DSCAML1: variants seen among roughly 807,000 people sequenced by gnomAD.
The protein encoded by DSCAML1 is DS cell adhesion molecule like 1, also known as cell adhesion molecule DSCAML1.
Under a neutral mutation model 200.5 loss-of-function variants are expected in DSCAML1, and 38 were observed. The observed-to-expected ratio is 0.19, with a 90% CI of 0.15 to 0.25. DSCAML1 has a LOEUF of 0.25. Among genes scored for constraint, DSCAML1 ranks in the 10% least tolerant of loss-of-function variants. The probability of loss-of-function intolerance (pLI) is 1.00; values close to 1 mark genes in which losing one functional copy is unlikely to be tolerated. For synonymous variants in DSCAML1, 1,215 were observed against 1,165.0 expected (o/e 1.04, Z -0.87); for missense variants, 2,223 against 2,858.8 (o/e 0.78, Z 5.07).
At chr11:117,543,812 G>A (rs201678422) in intron 3 of DSCAML1, among the ~76,000 whole-genome samples, 1 of 138,692 alleles carries the variant, frequency 7.2e-6, no homozygotes, top group African/African-American at 2.6e-5. Context: ...TTTTTTTTTT[G>A]TTTGTTTTGT....
chr11:117,652,349 C>A (rs771839120), intron 3 of DSCAML1, among the ~76,000 whole-genome samples: 1 of 152,230 alleles, frequency 6.6e-6, no homozygotes, highest in Non-Finnish European at 1.5e-5. Context: ...GGGAAAGAAC[C>A]AGGAGATGGA....
Position 117,469,425 on chromosome 11 carries a change from C to G in DSCAML1, c.3024+485G>C, listed in dbSNP as rs2048642396. 6.6e-6 allele frequency among the ~76,000 whole-genome samples: 1 copy of G among 152,182 alleles called. No individual in the cohort carries two copies. ...TAAGTGACAGATGCTTCAGTCACCC[C>G]CTATATTTTACAGGTCTTTGCCCTT... On this transcript the variant is annotated intron_variant, in intron 16 of 32. Transcript: ENST00000651296. This position sits in a 1 kb window ranked among gnomAD's most constrained non-coding sequence, Gnocchi z 4.1.
intron 11 of DSCAML1, among the ~76,000 whole-genome samples, chr11:117,482,381 G>A (rs1311028970): frequency 1.3e-5 from 2 of 152,196 alleles, no homozygotes; most frequent in African/African-American, 4.8e-5. Context: ...CCTCTTCTGG[G>A]GAGGGAGTGG....
chr11:117,705,616 C>T (rs574227066), intron 3 of DSCAML1, among the ~76,000 whole-genome samples: 4 of 152,286 alleles, frequency 2.6e-5, no homozygotes, highest in East Asian at 3.9e-4. Flanking sequence ...GAGACCAGTA[C>T]GGGTCTCTGT....
At chr11:117,493,782 C>G (rs1006359471) in intron 11 of DSCAML1, among the ~76,000 whole-genome samples, 3 of 152,104 alleles carry the variant, frequency 2.0e-5, no homozygotes, top group African/African-American at 2.4e-5. Flanking sequence ...TGTGTGCCAC[C>G]ATGCCCGGTT....
chr11:117,746,273 G>A (rs1178952339), intron 3 of DSCAML1, among the ~76,000 whole-genome samples: 1 of 147,394 alleles, frequency 6.8e-6, no homozygotes, highest in Non-Finnish European at 1.5e-5. Flanking sequence ...CTATATAAGT[G>A]AATTTTTATT....
At chr11:117,522,330 T>G (rs533116686) in intron 5 of DSCAML1, among the ~76,000 whole-genome samples, 2 of 152,364 alleles carry the variant, frequency 1.3e-5, no homozygotes, top group South Asian at 4.1e-4. Context: ...CTTTTGTGTC[T>G]GTCTCCCTTT....
chr11:117,767,728 G>T (rs1258646409), intron 3 of DSCAML1, among the ~76,000 whole-genome samples: 1 of 152,228 alleles, frequency 6.6e-6, no homozygotes, highest in African/African-American at 2.4e-5. Flanking sequence ...TTACAAGGAA[G>T]AAGGTTGCAC....
At chr11:117,757,976 C>T (rs545891862) in intron 3 of DSCAML1, among the ~76,000 whole-genome samples, 6 of 148,538 alleles carry the variant, frequency 4.0e-5, no homozygotes, top group East Asian at 2.0e-4. Flanking sequence ...ATAACAAGAG[C>T]GAAACTTCAC....
intron 3 of DSCAML1, among the ~76,000 whole-genome samples, chr11:117,653,632 G>A (rs1204340382): frequency 6.6e-6 from 1 of 152,124 alleles, no homozygotes; most frequent in Non-Finnish European, 1.5e-5. Flanking sequence ...CAGCCGCTTT[G>A]GAAAACTGTC....
intron 18 of DSCAML1, among the ~76,000 whole-genome samples, chr11:117,460,408 G>T (rs935887795): frequency 6.6e-6 from 1 of 152,150 alleles, no homozygotes; most frequent in Non-Finnish European, 1.5e-5. Flanking sequence ...CTGGACAAAT[G>T]ACTGTGAGCT....
chr11:117,638,771 G>A (rs192850498), intron 3 of DSCAML1, among the ~76,000 whole-genome samples: 42 of 152,134 alleles, frequency 2.8e-4, no homozygotes, highest in African/African-American at 9.2e-4. Flanking sequence ...TTATCCATTC[G>A]TTTTGTTCAT....
intron 3 of DSCAML1, among the ~76,000 whole-genome samples, chr11:117,766,131 T>C (rs1364005573): frequency 1.3e-5 from 2 of 152,242 alleles, no homozygotes; most frequent in East Asian, 3.8e-4. Context: ...CCTTGTGGCA[T>C]TGCGGACGCA....
chr11:117,436,837 C>T (rs772278349), intron 26 of DSCAML1, among the ~76,000 whole-genome samples: 2 of 152,148 alleles, frequency 1.3e-5, no homozygotes, highest in African/African-American at 2.4e-5. Context: ...AAACAATGCA[C>T]AGTGATTGAG....
At chr11:117,764,602 AT>A (rs767492594) in intron 3 of DSCAML1, among the ~76,000 whole-genome samples, 1 of 152,210 alleles carries the variant, frequency 6.6e-6, no homozygotes, top group Non-Finnish European at 1.5e-5. Context: ...ATTTAGATAG[AT>A]TTAGGGGATG....
intron 3 of DSCAML1, among the ~76,000 whole-genome samples, chr11:117,672,059 C>T (rs891559106): frequency 6.8e-6 from 1 of 147,902 alleles, no homozygotes; most frequent in East Asian, 2.0e-4. Flanking sequence ...CGAGATCGCG[C>T]CACTGCACTC....
intron 11 of DSCAML1, among the ~76,000 whole-genome samples, chr11:117,485,335 G>A (rs561507084): frequency 6.6e-6 from 1 of 152,294 alleles, no homozygotes; most frequent in African/African-American, 2.4e-5. Flanking sequence ...AACCATACCT[G>A]GAGCCTGAGA....
In DSCAML1 at chr11:117,516,633, G is replaced by T; in HGVS notation, c.1617C>A (p.Tyr539Ter). 6.2e-7 allele frequency: 1 copy of T among 1,614,130 alleles called. No individual in the cohort carries two copies. Among genetic ancestry groups the T allele is most frequent in the Non-Finnish European group, 8.5e-7 (1 of 1,180,016 alleles). The change falls in exon 8 of 33, where the codon TAC becomes TAA. Residue 539 changes from tyrosine (Y) to a stop codon, truncating the protein, a stop_gained. Transcript: ENST00000651296. LOFTEE classifies it high-confidence loss of function. This position sits in a 1 kb window ranked among gnomAD's most constrained non-coding sequence, Gnocchi z 5.7. ...TGTCTGGCAGCAGCAGGGCATCCTT[G>T]TACCACTTGATGGAGTAGTAGGGAT... ...IGYPYYSIKW[Y>*]KDALLLPDNH...
chr11:117,630,658 CAAAAAAAAA>C (rs56741831), intron 3 of DSCAML1, among the ~76,000 whole-genome samples: 29 of 45,590 alleles, frequency 6.4e-4, no homozygotes, highest in East Asian at 2.4e-3. Context: ...ATAAAGTGGC[CAAAAAAAAA>C]AAAAAAAAAA....
Sources: gnomAD v4.1 joint callset for allele counts (sites outside exome capture counted in the v4.1 genomes callset) on GRCh38, gnomAD v4.1.1 for gene constraint, Gnocchi (gnomAD v3.1) non-coding constraint, MANE v1.5 for transcripts, NCBI Gene and HGNC (gene_info 2026-07-23, HGNC 2026-07-21) for gene names.